The following PCDHA11 variants were observed in gnomAD, a reference collection of about 807,000 sequenced individuals.
PCDHA11 encodes the protein protocadherin alpha 11.
A neutral mutation model predicts 70.3 loss-of-function variants in PCDHA11; 61 were observed. The observed-to-expected ratio is 0.87, with a 90% CI of 0.71 to 1.07. PCDHA11 has a LOEUF of 1.07. PCDHA11 is among the 50% of genes least tolerant of loss of function. The probability of loss-of-function intolerance (pLI) is 0.00; values close to 1 mark genes in which losing one functional copy is unlikely to be tolerated. For synonymous variants in PCDHA11, 633 were observed against 555.1 expected (o/e 1.14, Z -1.97); for missense variants, 1,324 against 1,237.5 (o/e 1.07, Z -1.05).
chr5:140,888,067 T>G (rs1392142536), intron 1 of PCDHA11, among the ~76,000 whole-genome samples: 1 of 152,224 alleles, frequency 6.6e-6, no homozygotes, highest in Admixed American at 6.5e-5. Context: ...CTTTCTTGTC[T>G]GCTAATTTCA....
At chr5:140,966,740 C>G in intron 1 of PCDHA11, 1 of 1,422,696 alleles carries the variant, frequency 7.0e-7, no homozygotes, top group Non-Finnish European at 9.1e-7. Flanking sequence ...CGGCCCTGCC[C>G]GGCTGCCTCC....
chr5:140,952,658 C>T (rs2094779074), intron 1 of PCDHA11, among the ~76,000 whole-genome samples: 1 of 152,196 alleles, frequency 6.6e-6, no homozygotes. Flanking sequence ...TACCCAGTTC[C>T]AAAGTCACTT....
intron 1 of PCDHA11, among the ~76,000 whole-genome samples, chr5:140,978,243 C>T (rs2096793691): frequency 6.6e-6 from 1 of 152,170 alleles, no homozygotes; most frequent in South Asian, 2.1e-4. Context: ...ATTTCAGCTA[C>T]TCCCTGTTAA....
intron 1 of PCDHA11, chr5:140,927,933 C>T (rs1273187123): frequency 1.9e-6 from 3 of 1,614,090 alleles, no homozygotes; most frequent in African/African-American, 2.7e-5. Context: ...CTCTTTCGAA[C>T]CCAGTACCTG....
At chr5:140,925,138 CA>C (rs2153576707) in intron 1 of PCDHA11, among the ~76,000 whole-genome samples, 1 of 151,676 alleles carries the variant, frequency 6.6e-6, no homozygotes, top group South Asian at 2.1e-4. Flanking sequence ...AAATTTCAAA[CA>C]TACACAAAAG....
At chr5:140,963,275 A>G (rs2095752915) in intron 1 of PCDHA11, among the ~76,000 whole-genome samples, 1 of 152,160 alleles carries the variant, frequency 6.6e-6, no homozygotes, top group Non-Finnish European at 1.5e-5. Flanking sequence ...AAATGTATGT[A>G]AGATTTTATA....
At chr5:140,920,239 A>G (rs1584173491) in intron 1 of PCDHA11, among the ~76,000 whole-genome samples, 1 of 152,356 alleles carries the variant, frequency 6.6e-6, no homozygotes, top group Middle Eastern at 3.4e-3. Context: ...TATATACCCA[A>G]CAATACATCG....
chr5:140,953,517 A>G (rs1554220954), intron 1 of PCDHA11, among the ~76,000 whole-genome samples: 1 of 152,168 alleles, frequency 6.6e-6, no homozygotes, highest in African/African-American at 2.4e-5. Flanking sequence ...CAAAGCAACA[A>G]AAACGGGAAA....
At chr5:140,977,513 A>G (rs1378316611) in intron 1 of PCDHA11, among the ~76,000 whole-genome samples, 2 of 152,236 alleles carry the variant, frequency 1.3e-5, no homozygotes, top group African/African-American at 4.8e-5. Context: ...GCATTTTGTG[A>G]ACTTGAAAAC....
intron 1 of PCDHA11, chr5:140,876,833 C>T: frequency 3.1e-6 from 5 of 1,614,176 alleles, no homozygotes; most frequent in Non-Finnish European, 4.2e-6. Context: ...AATGCGCCTG[C>T]GTTCGCGCAG....
intron 3 of PCDHA11, among the ~76,000 whole-genome samples, chr5:141,007,109 GA>G (rs1473367544): frequency 6.6e-6 from 1 of 152,138 alleles, no homozygotes; most frequent in Non-Finnish European, 1.5e-5. Flanking sequence ...CAAACCCAAG[GA>G]AGCTTCAACA....
intron 1 of PCDHA11, chr5:140,928,615 A>T: frequency 6.2e-7 from 1 of 1,614,276 alleles, no homozygotes. Flanking sequence ...CCGCTCTGCC[A>T]GGACTGGACA....
intron 1 of PCDHA11, among the ~76,000 whole-genome samples, chr5:140,881,606 T>A (rs1554172306): frequency 6.6e-6 from 1 of 152,226 alleles, no homozygotes; most frequent in East Asian, 1.9e-4. Context: ...TAATATGATG[T>A]GCTTATTCAA....
In PCDHA11 at chr5:140,876,715, C is replaced by G. The variant is rs570565884; in HGVS notation, c.2391+5221C>G. 3.1e-5 allele frequency: 50 copies of G among 1,614,234 alleles called. No homozygotes were observed. The highest frequency in any genetic ancestry group is 3.3e-4 in the Middle Eastern group (2 of 6,062). On this transcript the variant is annotated intron_variant, in intron 1 of 3. Coordinates refer to ENST00000398640, the MANE Select transcript of PCDHA11 (RefSeq NM_018902.5). ...GTTGGTGCTGGACAGCGCCCTGGAC[C>G]GCGAGAGCGTGTCGGCCTATGAGCT...
At position 140,915,662 on chromosome 5, in the gene PCDHA11, G is replaced by T. The variant is rs75670796; in HGVS notation, c.2391+44168G>T. On this transcript the variant is annotated intron_variant, in intron 1 of 3. Transcript: ENST00000398640. ...TCTCTCTCTCTCTCTCTCTCAAGGT[G>T]CTGGGCCATCTTGAACTAGGGGTAT... is the stretch of plus-strand genomic sequence containing the variant. 8.2e-3 allele frequency among the ~76,000 whole-genome samples: 1,195 copies of T among 145,332 alleles called. 7 individuals are homozygous for T. Among genetic ancestry groups the T allele is most frequent in the African/African-American group, 0.02 (782 of 39,430 alleles).
intron 1 of PCDHA11, among the ~76,000 whole-genome samples, chr5:140,970,867 G>A (rs1207924606): frequency 6.6e-6 from 1 of 152,124 alleles, no homozygotes; most frequent in Non-Finnish European, 1.5e-5. Flanking sequence ...ATTCCTGATT[G>A]AGAGTAGATT....
chr5:140,877,068 G>C (rs1050946101), intron 1 of PCDHA11: 4 of 1,613,122 alleles, frequency 2.5e-6, no homozygotes, highest in Non-Finnish European at 3.4e-6. Context: ...AGCTGCTGCA[G>C]TTCCAGGTGA....
At chr5:140,989,657 A>G (rs1045043697) in intron 3 of PCDHA11, among the ~76,000 whole-genome samples, 7 of 152,228 alleles carry the variant, frequency 4.6e-5, no homozygotes, top group African/African-American at 1.7e-4. Flanking sequence ...CAATATTTTA[A>G]AAGAAACTCT....
chr5:140,992,017 C>CTGTG (rs10602499), intron 3 of PCDHA11, among the ~76,000 whole-genome samples: 5,022 of 145,578 alleles, frequency 0.034, 175 homozygotes, highest in African/African-American at 0.093. Context: ...AGAGGTGGCT[C>CTGTG]TGTGTGTGTG....
Sources: gnomAD v4.1 joint callset for allele counts (sites outside exome capture counted in the v4.1 genomes callset) on GRCh38, gnomAD v4.1.1 for gene constraint, MANE v1.5 for transcripts, NCBI Gene and HGNC (gene_info 2026-07-23, HGNC 2026-07-21) for gene names.